The following PTPN12 variants were observed in gnomAD, a reference collection of about 807,000 sequenced individuals.
PTPN12 encodes protein tyrosine phosphatase non-receptor type 12.
In PTPN12, 29 loss-of-function variants were observed where a neutral mutation model predicts 97.6. That is an observed-to-expected ratio of 0.30 (90% confidence interval 0.22 to 0.41). The LOEUF (loss-of-function observed/expected upper bound fraction) is 0.41, where lower values mean the gene tolerates loss of function less well. PTPN12 is among the 10% of genes least tolerant of loss of function. The pLI is 1.00. For synonymous variants in PTPN12, 327 were observed against 300.4 expected (o/e 1.09, Z -0.91); for missense variants, 819 against 926.0 (o/e 0.88, Z 1.50).
chr7:77,621,620 G>T (rs1358587943), intron 12 of PTPN12, among the ~76,000 whole-genome samples: 1 of 151,994 alleles, frequency 6.6e-6, no homozygotes, highest in Non-Finnish European at 1.5e-5. Context: ...AGTGAGCCAA[G>T]ATTGCACCAC....
chr7:77,571,564 AATTG>A (rs1787137870), intron 2 of PTPN12, among the ~76,000 whole-genome samples: 2 of 152,198 alleles, frequency 1.3e-5, no homozygotes. Flanking sequence ...TAAGAACCTT[AATTG>A]ATTAATTATG....
intron 6 of PTPN12, among the ~76,000 whole-genome samples, chr7:77,593,963 A>G (rs1371225351): frequency 6.6e-6 from 1 of 152,190 alleles, no homozygotes; most frequent in Non-Finnish European, 1.5e-5. Context: ...ATGACTTCTG[A>G]ATTCCTCTCA....
chr7:77,563,892 T>A, intron 1 of PTPN12: 1 of 423,850 alleles, frequency 2.4e-6, no homozygotes, highest in South Asian at 1.7e-5. Context: ...TAGCTGCTTA[T>A]AACCATTATC....
At chr7:77,561,670 T>C (rs1253845440) in intron 1 of PTPN12, among the ~76,000 whole-genome samples, 1 of 152,224 alleles carries the variant, frequency 6.6e-6, no homozygotes, top group African/African-American at 2.4e-5. Context: ...CTTTGTTTTA[T>C]ATTTGTAATC....
chr7:77,571,218 A>G (rs1477636680), intron 2 of PTPN12, 32 bp downstream of exon 2: 2 of 1,361,858 alleles, frequency 1.5e-6, no homozygotes, highest in Admixed American at 2.0e-5. Context: ...TAAAATACAT[A>G]GAAATGCTAA....
intron 11 of PTPN12, among the ~76,000 whole-genome samples, chr7:77,614,840 C>G (rs1266080992): frequency 6.6e-6 from 1 of 152,186 alleles, no homozygotes; most frequent in Admixed American, 6.5e-5. Context: ...TAAGTCCCCA[C>G]TTACTACTTT....
At chr7:77,598,370 T>C (rs1249106014) in intron 7 of PTPN12, among the ~76,000 whole-genome samples, 2 of 152,074 alleles carry the variant, frequency 1.3e-5, no homozygotes, top group Non-Finnish European at 2.9e-5. Context: ...AAGCTGCACA[T>C]GTACCCCTTA....
intron 9 of PTPN12, among the ~76,000 whole-genome samples, chr7:77,608,994 C>T (rs926685016): frequency 1.3e-5 from 2 of 152,046 alleles, no homozygotes; most frequent in Admixed American, 6.5e-5. Context: ...CTGAGGTGGG[C>T]GGATCACCTG....
chr7:77,585,450 G>A, intron 4 of PTPN12, 93 bp from the exon 5 acceptor site: 4 of 1,068,430 alleles, frequency 3.7e-6, no homozygotes, highest in Non-Finnish European at 4.2e-6. Context: ...TATACTTCTC[G>A]GTGCAAAATT....
chr7:77,537,700 G>T, intron 1 of PTPN12, 55 bp downstream of exon 1: 6 of 1,516,666 alleles, frequency 4.0e-6, no homozygotes, highest in Non-Finnish European at 3.5e-6. Context: ...GCCCATCGCC[G>T]CCTCTCCCGG....
intron 1 of PTPN12, among the ~76,000 whole-genome samples, chr7:77,562,866 A>T (rs1808062062): frequency 6.6e-6 from 1 of 151,826 alleles, no homozygotes; most frequent in Non-Finnish European, 1.5e-5. Context: ...CTTTCAGGAT[A>T]GGGAAAGGGT....
intron 11 of PTPN12, among the ~76,000 whole-genome samples, chr7:77,613,456 T>A (rs1788642859): frequency 6.6e-6 from 1 of 151,594 alleles, no homozygotes. Context: ...ATTACAGGCA[T>A]AAGCTACTGC....
At chr7:77,570,467 A>G (rs1422536380) in intron 1 of PTPN12, among the ~76,000 whole-genome samples, 6 of 152,224 alleles carry the variant, frequency 3.9e-5, no homozygotes, top group African/African-American at 9.6e-5. Context: ...CAGGAAGTGT[A>G]TTACTGACAC....
Position 77,537,510 on chromosome 7 carries a change from G to C in PTPN12, c.-37G>C, listed in dbSNP as rs565556906. 1.3e-6 allele frequency: 2 copies of C among 1,557,320 alleles called. No individual in the cohort carries two copies. Among genetic ancestry groups the C allele is most frequent in the South Asian group, 1.2e-5 (1 of 85,010 alleles). ...CTCTGTGCCGGGCGGGCGGGCGGCG[G>C]GGGGGCCAGCGACCGCAGCCGGGGG... On this transcript the variant is annotated 5_prime_UTR_variant, in exon 1 of 18. Coordinates refer to ENST00000248594, the MANE Select transcript of PTPN12 (RefSeq NM_002835.4).
chr7:77,539,021 G>T (rs1362695816), intron 1 of PTPN12, among the ~76,000 whole-genome samples: 1 of 152,210 alleles, frequency 6.6e-6, no homozygotes, highest in Non-Finnish European at 1.5e-5. Context: ...CACAGTTAAT[G>T]CCTGTAAAAT....
At chr7:77,582,383 G>A (rs1397325547) in intron 3 of PTPN12, among the ~76,000 whole-genome samples, 4 of 151,940 alleles carry the variant, frequency 2.6e-5, no homozygotes, top group African/African-American at 9.7e-5. Context: ...CAGCTAATCT[G>A]TGATTTTTAA....
intron 12 of PTPN12, among the ~76,000 whole-genome samples, chr7:77,620,385 A>T (rs562168365): frequency 2.6e-4 from 40 of 152,358 alleles, no homozygotes; most frequent in African/African-American, 8.7e-4. Flanking sequence ...TTTATTAGGC[A>T]TACATTCTAA....
Position 77,638,616 on chromosome 7 carries a change from C to A in PTPN12, c.2174-8C>A. On this transcript the variant is annotated splice_polypyrimidine_tract_variant and splice_region_variant and intron_variant, in intron 16 of 17. Transcript: ENST00000248594. ...GGTGATTAACAAAGGCTTTGTGTTG[C>A]TACTTAGATCATCCAGCGGGAGGTA... 1 of 1,572,792 alleles carries A rather than the reference C, an allele frequency of 6.4e-7. No homozygotes were observed. Among genetic ancestry groups the A allele is most frequent in the Non-Finnish European group, 8.6e-7 (1 of 1,164,152 alleles).
At chr7:77,539,722 A>G (rs932544177) in intron 1 of PTPN12, among the ~76,000 whole-genome samples, 9 of 152,022 alleles carry the variant, frequency 5.9e-5, no homozygotes, top group Non-Finnish European at 1.3e-4. Context: ...TCTGCCTCCC[A>G]GATTCAAGCG....
Sources: gnomAD v4.1 joint callset for allele counts (sites outside exome capture counted in the v4.1 genomes callset) on GRCh38, gnomAD v4.1.1 for gene constraint, MANE v1.5 for transcripts, NCBI Gene and HGNC (gene_info 2026-07-23, HGNC 2026-07-21) for gene names.